HTR7: variants seen among roughly 807,000 people sequenced by gnomAD.
HTR7 encodes 5-hydroxytryptamine receptor 7, also known as 5-HT-7.
HTR7 carries 16 observed loss-of-function variants against 34.0 expected under a neutral mutation model. That is an observed-to-expected ratio of 0.47 (90% CI 0.32 to 0.71). The LOEUF (loss-of-function observed/expected upper bound fraction) is 0.71. Ranked by LOEUF, HTR7 falls within the 30% of genes least tolerant of loss-of-function variation. The probability of loss-of-function intolerance (pLI) is 0.04; values close to 1 mark genes in which losing one functional copy is unlikely to be tolerated. For synonymous variants in HTR7, 265 were observed against 260.2 expected, an observed-to-expected ratio of 1.02 and a Z score of -0.18; for missense variants, 504 against 625.5, an observed-to-expected ratio of 0.81 and a Z score of 2.07.
chr10:90,852,459 TA>T (rs1280348015), intron 1 of HTR7, among the ~76,000 whole-genome samples: 2 of 152,134 alleles, frequency 1.3e-5, no homozygotes, highest in African/African-American at 4.8e-5. Flanking sequence ...TAGATAAAAT[TA>T]AAATGTTCCA....
intron 1 of HTR7, among the ~76,000 whole-genome samples, chr10:90,780,459 C>T (rs1278588411): frequency 6.6e-6 from 1 of 151,228 alleles, no homozygotes; most frequent in Non-Finnish European, 1.5e-5. Flanking sequence ...ATTGCTTGAA[C>T]CCAGGAGACG....
intron 1 of HTR7, among the ~76,000 whole-genome samples, chr10:90,810,016 C>T (rs1845778603): frequency 6.6e-6 from 1 of 152,176 alleles, no homozygotes; most frequent in Non-Finnish European, 1.5e-5. Context: ...CTACCCACTC[C>T]ACATTACCTC....
intron 1 of HTR7, among the ~76,000 whole-genome samples, chr10:90,774,956 G>A (rs1845182388): frequency 6.6e-6 from 1 of 152,172 alleles, no homozygotes; most frequent in South Asian, 2.1e-4. Flanking sequence ...ATCCTGAGTG[G>A]TTTAGTGAAA....
intron 1 of HTR7, among the ~76,000 whole-genome samples, chr10:90,809,530 GA>G (rs1362308196): frequency 2.0e-5 from 3 of 152,152 alleles, no homozygotes; most frequent in Non-Finnish European, 2.9e-5. Context: ...CCCACAACGG[GA>G]TTAATTAACC....
chr10:90,857,785 CCGCGCCGACCGCTGGGGGG>C lies in HTR7; in HGVS notation c.-133_-115del, dbSNP rs1350645760. On this transcript the variant is annotated 5_prime_UTR_variant, in exon 1 of 4. Transcript: ENST00000336152. This position sits in a 1 kb window ranked among gnomAD's most constrained non-coding sequence, Gnocchi z 6.5. Reference sequence around the variant, plus strand: ...GCTCCGCCCGGCCCAGCCATGGGGCCCGCGCCGACCGCTGGGGGGCGCCTGGCTCTGTCTCGGAGCCCCG... The same window carrying C: ...GCTCCGCCCGGCCCAGCCATGGGGCCCGCCTGGCTCTGTCTCGGAGCCCCG... 9.7e-7 allele frequency: 1 copy of C among 1,027,942 alleles called. No homozygotes were observed. Among genetic ancestry groups the C allele is most frequent in the Non-Finnish European group, 1.3e-6 (1 of 787,254 alleles). 63.7% of individuals were successfully genotyped at this position (1,027,942 alleles called of 1,614,324 possible).
intron 1 of HTR7, among the ~76,000 whole-genome samples, chr10:90,761,318 C>A (rs973524980): frequency 6.6e-6 from 1 of 152,112 alleles, no homozygotes; most frequent in Non-Finnish European, 1.5e-5. Flanking sequence ...TAAAATACTG[C>A]AAAGCTTTAT....
intron 1 of HTR7, among the ~76,000 whole-genome samples, chr10:90,833,509 A>G (rs1454388501): frequency 2.0e-5 from 3 of 152,240 alleles, no homozygotes. Context: ...TGTAAAGATT[A>G]AAAGAGATAT....
chr10:90,759,446 G>GA (rs1844895410), intron 1 of HTR7, among the ~76,000 whole-genome samples: 8 of 151,124 alleles, frequency 5.3e-5, no homozygotes, highest in Admixed American at 5.3e-4. Flanking sequence ...ATGAGGTCAG[G>GA]AGATCGAGAC....
chr10:90,810,453 T>C (rs1845788318), intron 1 of HTR7, among the ~76,000 whole-genome samples: 1 of 152,154 alleles, frequency 6.6e-6, no homozygotes, highest in African/African-American at 2.4e-5. Flanking sequence ...TTAAAGCCTG[T>C]TATCACTCGC....
At chr10:90,840,767 T>G (rs1283779407) in intron 1 of HTR7, among the ~76,000 whole-genome samples, 1 of 152,172 alleles carries the variant, frequency 6.6e-6, no homozygotes, top group Admixed American at 6.5e-5. Flanking sequence ...ACCAACCCAA[T>G]TAACTATCAC....
chr10:90,856,746 CTTA>C (rs916215602), intron 1 of HTR7, among the ~76,000 whole-genome samples: 3 of 152,022 alleles, frequency 2.0e-5, no homozygotes, highest in African/African-American at 7.2e-5. Flanking sequence ...TTTTCTCCGA[CTTA>C]TTATTATTAT....
intron 1 of HTR7, among the ~76,000 whole-genome samples, chr10:90,755,209 C>T (rs973889053): frequency 4.6e-5 from 7 of 152,138 alleles, no homozygotes; most frequent in Admixed American, 4.6e-4. Context: ...TCCAGTTTAG[C>T]CTAACAAAAT....
intron 1 of HTR7, among the ~76,000 whole-genome samples, chr10:90,791,549 T>C (rs1040075717): frequency 2.0e-5 from 3 of 152,030 alleles, no homozygotes; most frequent in Admixed American, 6.6e-5. Flanking sequence ...AGCATTTTAG[T>C]TTGTGTGCAT....
At chr10:90,808,139 A>C (rs1845732424) in intron 1 of HTR7, among the ~76,000 whole-genome samples, 1 of 152,198 alleles carries the variant, frequency 6.6e-6, no homozygotes, top group Non-Finnish European at 1.5e-5. Context: ...CAGAGGTGTC[A>C]GATCACGCAG....
intron 1 of HTR7, among the ~76,000 whole-genome samples, chr10:90,770,374 C>A (rs12768638): frequency 0.073 from 11,133 of 152,188 alleles, 464 homozygotes; most frequent in Middle Eastern, 0.16. Flanking sequence ...GACCTGGAGG[C>A]CCCACCCCAG....
At chr10:90,836,534 CAG>C (rs931938169) in intron 1 of HTR7, among the ~76,000 whole-genome samples, 10 of 151,438 alleles carry the variant, frequency 6.6e-5, no homozygotes, top group African/African-American at 1.7e-4. Flanking sequence ...AAATTTGAGA[CAG>C]GGTCTTGCTC....
intron 1 of HTR7, among the ~76,000 whole-genome samples, chr10:90,776,075 C>T (rs1471363991): frequency 1.3e-5 from 2 of 152,116 alleles, no homozygotes; most frequent in East Asian, 1.9e-4. Context: ...GAATATTTTA[C>T]ACTGACAGCA....
chr10:90,844,403 C>T (rs963904780), intron 1 of HTR7, among the ~76,000 whole-genome samples: 1 of 152,020 alleles, frequency 6.6e-6, no homozygotes, highest in African/African-American at 2.4e-5. Flanking sequence ...AGTTTGGGAA[C>T]CATGGATATA....
intron 1 of HTR7, among the ~76,000 whole-genome samples, chr10:90,754,972 G>C (rs1259881033): frequency 6.6e-6 from 1 of 152,186 alleles, no homozygotes; most frequent in East Asian, 1.9e-4. Context: ...TGCTGAAACT[G>C]CCAGATTATA....
Sources: gnomAD v4.1 joint callset for allele counts (sites outside exome capture counted in the v4.1 genomes callset) on GRCh38, gnomAD v4.1.1 for gene constraint, Gnocchi (gnomAD v3.1) non-coding constraint, MANE v1.5 for transcripts, NCBI Gene and HGNC (gene_info 2026-07-23, HGNC 2026-07-21) for gene names.